Variants in ADARB1 observed in about 807,000 individuals in gnomAD.
The protein encoded by ADARB1 is double-stranded RNA-specific editase 1.
ADARB1 carries 10 observed loss-of-function variants against 52.4 expected under a neutral mutation model. That is an observed-to-expected ratio of 0.19 (90% CI 0.12 to 0.32). ADARB1 has a LOEUF of 0.32. ADARB1 is among the 10% of genes least tolerant of loss of function. The pLI is 1.00. For missense variants in ADARB1, 643 were observed against 922.3 expected, an observed-to-expected ratio of 0.70 and a Z score of 3.92; for synonymous variants, 349 against 371.1, an observed-to-expected ratio of 0.94 and a Z score of 0.68.
intron 1 of ADARB1, among the ~76,000 whole-genome samples, chr21:45,111,808 T>C (rs770348080): frequency 9.9e-5 from 15 of 152,204 alleles, no homozygotes; most frequent in Non-Finnish European, 1.6e-4. Context: ...TTGGGGCCAT[T>C]ATAAGCAAAA....
At chr21:45,120,536 C>T (rs1342952791) in intron 1 of ADARB1, among the ~76,000 whole-genome samples, 2 of 152,106 alleles carry the variant, frequency 1.3e-5, no homozygotes, top group Admixed American at 6.5e-5. Flanking sequence ...AGGAAGCCTG[C>T]GAAGGCCAGA....
intron 1 of ADARB1, among the ~76,000 whole-genome samples, chr21:45,108,721 TA>T: frequency 6.6e-6 from 1 of 150,412 alleles, no homozygotes; most frequent in Non-Finnish European, 1.5e-5. Context: ...CCTTTTTTCT[TA>T]GGATGGCTCT....
intron 9 of ADARB1, among the ~76,000 whole-genome samples, chr21:45,211,129 G>A (rs2092760898): frequency 6.6e-6 from 1 of 152,228 alleles, no homozygotes; most frequent in Admixed American, 6.5e-5. Context: ...AGCAGCCCTG[G>A]GGAGTGGGCT....
chr21:45,128,207 C>T lies in ADARB1; in HGVS notation c.-219-195C>T, dbSNP rs922936999. Among the ~76,000 whole-genome samples the T allele has an allele frequency of 1.3e-5, 2 of 152,220 alleles. No homozygotes were observed. Among genetic ancestry groups the T allele is most frequent in the African/African-American group, 2.4e-5 (1 of 41,442 alleles). On this transcript the variant is annotated intron_variant, in intron 1 of 10. Transcript: ENST00000348831. This position sits in a 1 kb window ranked among gnomAD's most constrained non-coding sequence, Gnocchi z 4.6. Reference sequence around the variant, plus strand: ...GGTGCCTCTACCTGCTGCAGGCAGACGGACGGAGACGTGATGGATTGCGCA... The same window carrying T: ...GGTGCCTCTACCTGCTGCAGGCAGATGGACGGAGACGTGATGGATTGCGCA...
chr21:45,170,581 A>AAT (rs2091440295), intron 2 of ADARB1, among the ~76,000 whole-genome samples: 1 of 151,588 alleles, frequency 6.6e-6, no homozygotes, highest in Admixed American at 6.6e-5. Context: ...ATATATATAA[A>AAT]ATATATATTT....
At position 45,224,527 on chromosome 21, in the gene ADARB1, G is replaced by T; in HGVS notation, c.*2330G>T. The stretch of plus-strand genomic sequence containing the variant: ...AGCTGTGGGGAGGAACTGGGTTCGG[G>T]GAGCCCTGGGCGGGGCGGCTGTTGG... On this transcript the variant is annotated 3_prime_UTR_variant, in exon 11 of 11. Coordinates refer to ENST00000348831, the MANE Select transcript of ADARB1 (RefSeq NM_001112.4). The T allele has an allele frequency of 4.6e-6, 5 of 1,080,650 alleles. No individual in the cohort carries two copies. In the Admixed American group the frequency reaches 1.6e-4, roughly 35 times the overall value. 66.9% of individuals were successfully genotyped at this position (1,080,650 alleles called of 1,614,324 possible).
intron 1 of ADARB1, among the ~76,000 whole-genome samples, chr21:45,113,480 T>C (rs2087653780): frequency 7.6e-6 from 1 of 132,076 alleles, no homozygotes; most frequent in African/African-American, 2.8e-5. Context: ...TATATATATA[T>C]GTGTGTGTGT....
chr21:45,173,388 T>C (rs1356030402), intron 3 of ADARB1, among the ~76,000 whole-genome samples: 1 of 152,176 alleles, frequency 6.6e-6, no homozygotes, highest in Non-Finnish European at 1.5e-5. Context: ...GTATTTTCCT[T>C]TATGATAGTA....
At chr21:45,196,683 A>C (rs1208126260) in intron 8 of ADARB1, among the ~76,000 whole-genome samples, 1 of 152,238 alleles carries the variant, frequency 6.6e-6, no homozygotes, top group African/African-American at 2.4e-5. Context: ...TTGAATGGAC[A>C]CTTCACCAAA....
chr21:45,137,536 G>T (rs151005055), intron 2 of ADARB1, among the ~76,000 whole-genome samples: 1 of 152,342 alleles, frequency 6.6e-6, no homozygotes, highest in African/African-American at 2.4e-5. Flanking sequence ...CCTGATGTGT[G>T]AAGGCCCATC....
At chr21:45,120,172 G>A (rs986833723) in intron 1 of ADARB1, among the ~76,000 whole-genome samples, 6 of 152,326 alleles carry the variant, frequency 3.9e-5, no homozygotes, top group Middle Eastern at 6.8e-3. Context: ...ATGAAATTTT[G>A]TTGGTGAAGT....
intron 2 of ADARB1, among the ~76,000 whole-genome samples, chr21:45,131,046 T>G (rs1023522858): frequency 6.6e-6 from 1 of 152,202 alleles, no homozygotes; most frequent in Non-Finnish European, 1.5e-5. Context: ...CTTTTTATTT[T>G]AAAATGAAGT....
chr21:45,171,954 T>C (rs562641133), intron 3 of ADARB1, among the ~76,000 whole-genome samples: 1 of 152,016 alleles, frequency 6.6e-6, no homozygotes, highest in East Asian at 1.9e-4. Flanking sequence ...GAAGCCCCAC[T>C]GTTTCATGTG....
chr21:45,093,179 G>A (rs1464276225), intron 1 of ADARB1, among the ~76,000 whole-genome samples: 3 of 152,134 alleles, frequency 2.0e-5, no homozygotes, highest in Admixed American at 6.5e-5. Context: ...CCTGGACCTC[G>A]CCCCACCGGC....
rs2092891317 is a variant in ADARB1, at chr21:45,217,665, T to C, written c.1748-3171T>C. Among the ~76,000 whole-genome samples the C allele has an allele frequency of 2.0e-5, 3 of 152,176 alleles. No individual in the cohort carries two copies. In the South Asian group the frequency reaches 6.2e-4, roughly 32 times the overall value. On this transcript the variant is annotated intron_variant, in intron 9 of 10. Transcript: ENST00000348831. ...ATCATTTCCAGGGCTCTTCATTCTT[T>C]GTATAGATCTGGATTTCCATTTTGG... is the stretch of plus-strand genomic sequence containing the variant.
At position 45,176,040 on chromosome 21, in the gene ADARB1, G is replaced by A; in HGVS notation, c.339G>A (p.Val113=). 4.3e-6 allele frequency: 7 copies of A among 1,614,210 alleles called. No homozygotes were observed. Among genetic ancestry groups the A allele is most frequent in the Non-Finnish European group, 5.9e-6 (7 of 1,180,044 alleles). ...PVHAPLFVMS[V]EVNGQVFEGS... Reference sequence around the variant, plus strand: ...ACGCGCCTTTGTTTGTCATGTCTGTGGAGGTGAATGGCCAGGTTTTTGAGG... The same window carrying A: ...ACGCGCCTTTGTTTGTCATGTCTGTAGAGGTGAATGGCCAGGTTTTTGAGG... The change falls in exon 4 of 11, where the codon GTG becomes GTA. Residue 113 remains valine (V), a synonymous_variant. Coordinates refer to ENST00000348831, the MANE Select transcript of ADARB1 (RefSeq NM_001112.4). The surrounding 1 kb of genome is among the most constrained non-coding windows in gnomAD (Gnocchi z 5.8).
chr21:45,169,076 C>T (rs1419701321), intron 2 of ADARB1, among the ~76,000 whole-genome samples: 2 of 152,232 alleles, frequency 1.3e-5, no homozygotes, highest in Non-Finnish European at 2.9e-5. Context: ...CTCATCACTG[C>T]TCCATCTGGA....
rs2092530446 is a variant in ADARB1, at chr21:45,200,538, G to A, written c.1566-4017G>A. On this transcript the variant is annotated intron_variant, in intron 8 of 10. Transcript: ENST00000348831. This position sits in a 1 kb window ranked among gnomAD's most constrained non-coding sequence, Gnocchi z 5.0. Reference sequence around the variant, plus strand: ...TATGGCAAGGGGGCCAGAGCACTGTGTTGGGCAGACTCAAAGGCACGCACA... The same window carrying A: ...TATGGCAAGGGGGCCAGAGCACTGTATTGGGCAGACTCAAAGGCACGCACA... Among the ~76,000 whole-genome samples, 1 of 152,198 alleles carries A rather than the reference G, an allele frequency of 6.6e-6. No individual in the cohort carries two copies.
chr21:45,206,283 A>G (rs980991123), intron 9 of ADARB1, among the ~76,000 whole-genome samples: 2 of 152,220 alleles, frequency 1.3e-5, no homozygotes, highest in Non-Finnish European at 2.9e-5. Flanking sequence ...GATACTCAAA[A>G]ATAGTTGTTA....
Sources: allele counts gnomAD v4.1 joint callset (sites outside exome capture counted in the v4.1 genomes callset), GRCh38; gene constraint gnomAD v4.1.1; non-coding constraint Gnocchi (gnomAD v3.1); transcripts MANE v1.5; gene names NCBI Gene and HGNC (gene_info 2026-07-23, HGNC 2026-07-21).